Variants in CLPP observed in about 807,000 individuals in gnomAD.
The protein encoded by CLPP is ATP-dependent Clp protease proteolytic subunit, mitochondrial.
Under a neutral mutation model 27.4 loss-of-function variants are expected in CLPP, and 14 were observed. The observed-to-expected ratio is 0.51, with a 90% CI of 0.34 to 0.80. CLPP has a LOEUF of 0.80. Among genes scored for constraint, CLPP ranks in the 30% least tolerant of loss-of-function variants. The pLI is 0.02. For synonymous variants in CLPP, 193 were observed against 166.6 expected (o/e 1.16, Z -1.22); for missense variants, 361 against 403.6 (o/e 0.89, Z 0.90).
rs61441319 is a variant in CLPP, at chr19:6,369,414, CA to C, written c.*719del. ...TGGGCAACAGAGCAAGGCTCTGTCT[CA>C]AAAAAAAAAAAAAACAAAAACAGGA... On this transcript the variant is annotated 3_prime_UTR_variant, in exon 6 of 6. Coordinates refer to ENST00000245816, the MANE Select transcript of CLPP (RefSeq NM_006012.4). 0.31 allele frequency among the ~76,000 whole-genome samples: 35,503 copies of C among 114,960 alleles called. 7,771 individuals are homozygous for C. The highest frequency in any genetic ancestry group is 0.64 in the African/African-American group (22,292 of 35,096). 75.4% of individuals were successfully genotyped at this position (114,960 alleles called of 152,430 possible).
intron 4 of CLPP, 176 bp downstream of exon 4, chr19:6,364,815 G>T (rs1227409794): frequency 6.6e-6 from 4 of 604,270 alleles, no homozygotes; most frequent in Non-Finnish European, 1.1e-5. Flanking sequence ...TGCAAGCTCC[G>T]CCTCCTGGGT....
chr19:6,367,889 G>A (rs2145054871), intron 5 of CLPP, among the ~76,000 whole-genome samples: 1 of 151,878 alleles, frequency 6.6e-6, no homozygotes, highest in East Asian at 1.9e-4. Flanking sequence ...TTTTAGTAGA[G>A]ACAGGGTTTC....
At chr19:6,364,371 C>T (rs2145050867) in intron 3 of CLPP, 81 bp from the exon 4 acceptor site, 3 of 1,349,640 alleles carry the variant, frequency 2.2e-6, no homozygotes, top group South Asian at 1.3e-5. Flanking sequence ...ATCTGTTCCA[C>T]CCTCCCCAGG....
chr19:6,368,773 G>A lies in CLPP; in HGVS notation c.*63G>A. The A allele has an allele frequency of 1.4e-6, 2 of 1,475,700 alleles. No individual in the cohort carries two copies. Among genetic ancestry groups the A allele is most frequent in the East Asian group, 4.9e-5 (2 of 40,460 alleles). The allele number at this position is 1,475,700 out of a possible 1,614,324, so 91.4% of individuals were successfully genotyped here. A position where few individuals can be genotyped will look rare whatever the true frequency, so the allele number is the denominator to read the frequency against. On this transcript the variant is annotated 3_prime_UTR_variant, in exon 6 of 6. Transcript: ENST00000245816. ...AGAGGCCTGCCAGACCCCCAGCTGG[G>A]CCCTGCTCACCCCTTGTTGCTGGGC...
At chr19:6,366,917 C>G (rs543396394) in intron 5 of CLPP, among the ~76,000 whole-genome samples, 3 of 151,800 alleles carry the variant, frequency 2.0e-5, no homozygotes, top group Non-Finnish European at 4.4e-5. Context: ...AAGTGTGAGC[C>G]ACCACGCCCA....
At chr19:6,363,138 T>A (rs2091844737) in intron 3 of CLPP, among the ~76,000 whole-genome samples, 1 of 148,382 alleles carries the variant, frequency 6.7e-6, no homozygotes, top group Non-Finnish European at 1.5e-5. Context: ...TTTTTTTTTT[T>A]TTATTGAGAT....
In CLPP at chr19:6,366,314, G is replaced by A. The variant is rs1353266873; in HGVS notation, c.612G>A (p.Gln204=). The A allele has an allele frequency of 1.2e-6, 2 of 1,612,910 alleles. No individual in the cohort carries two copies. The change falls in exon 5 of 6, where the codon CAG becomes CAA. Residue 204 remains glutamine, a synonymous_variant. Transcript: ENST00000245816. ...QAEEIMKLKK[Q]LYNIYAKHTK... The stretch of plus-strand genomic sequence containing the variant: ...AGGAGATCATGAAGCTCAAGAAGCA[G>A]CTCTATAACATCTACGCCAAGCACA...
In CLPP at chr19:6,364,679, C is replaced by CA. The variant is rs534851530; in HGVS notation, c.555+41dup. ...CGCGAGCTGCTGTTGGGAATCAGGACAGGGTCTAGACAGAAGGACTGACTG... is the reference window on the plus strand; with the variant it reads ...CGCGAGCTGCTGTTGGGAATCAGGACAAGGGTCTAGACAGAAGGACTGACTG... On this transcript the variant is annotated intron_variant, in intron 4 of 5. Transcript: ENST00000245816. 1.5e-4 allele frequency: 234 copies of CA among 1,582,212 alleles called. 2 individuals are homozygous for CA. In the South Asian group the frequency reaches 2.4e-3, roughly 16 times the overall value.
At chr19:6,366,665 G>A (rs949326394) in intron 5 of CLPP, among the ~76,000 whole-genome samples, 3 of 152,048 alleles carry the variant, frequency 2.0e-5, no homozygotes, top group Non-Finnish European at 4.4e-5. Context: ...TTGAGACAAG[G>A]TCTGGCTCTG....
chr19:6,366,805 A>T (rs961592266), intron 5 of CLPP, among the ~76,000 whole-genome samples: 1 of 151,848 alleles, frequency 6.6e-6, no homozygotes, highest in Non-Finnish European at 1.5e-5. Flanking sequence ...TGCCTGGCTA[A>T]TTTTTTGTAG....
chr19:6,362,147 C>G (rs774536348), intron 2 of CLPP: 5 of 605,678 alleles, frequency 8.3e-6, no homozygotes, highest in Non-Finnish European at 1.5e-5. Context: ...TAATCTCCGA[C>G]TTCCTTCCTG....
rs1247241193 is a variant in CLPP, at chr19:6,361,639, C to T, written c.65C>T (p.Pro22Leu). The change falls in exon 1 of 6, where the codon CCT (proline) becomes CTT (leucine). Residue 22 changes from proline to leucine, a missense_variant. Around this residue, in one of 2 missense-constraint regions of CLPP, gnomAD observed 148 missense variants for 122.6 expected, o/e 1.21. Coordinates refer to ENST00000245816, the MANE Select transcript of CLPP (RefSeq NM_006012.4). ...VASCRYPALG[P>L]RLAAHFPAQR... ...TCATGCAGGTACCCCGCGCTGGGGC[C>T]TCGCCTCGCCGCTCACTTTCCAGCG... The T allele has an allele frequency of 7.0e-7, 1 of 1,427,914 alleles. No homozygotes were observed. Among genetic ancestry groups the T allele is most frequent in the Non-Finnish European group, 9.2e-7 (1 of 1,090,754 alleles). 88.5% of individuals were successfully genotyped at this position (1,427,914 alleles called of 1,614,324 possible).
Position 6,361,544 on chromosome 19 carries a change from C to T in CLPP, c.-31C>T. On this transcript the variant is annotated 5_prime_UTR_variant, in exon 1 of 6. Transcript: ENST00000245816. The stretch of plus-strand genomic sequence containing the variant: ...ACGCCGGAAGCTGTAGTTCCGCCAT[C>T]GGACGGAAGCCGACCGGGGCGTGCG... 1 of 1,376,100 alleles carries T rather than the reference C, an allele frequency of 7.3e-7. No individual in the cohort carries two copies. The highest frequency in any genetic ancestry group is 1.8e-5 in the South Asian group (1 of 56,664). The allele number at this position is 1,376,100 out of a possible 1,614,324, so 85.2% of individuals were successfully genotyped here.
Position 6,364,494 on chromosome 19 carries a change from A to G in CLPP, c.410A>G (p.Gln137Arg), listed in dbSNP as rs2091851993. 1.2e-6 allele frequency: 2 copies of G among 1,611,812 alleles called. No individual in the cohort carries two copies. The highest frequency in any genetic ancestry group is 1.7e-6 in the Non-Finnish European group (2 of 1,179,652). ...GGCCTGGCCATCTACGACACGATGC[A>G]GTACATCCTCAACCCGATCTGCACC... Reference protein sequence around the residue: ...TAGLAIYDTMQYILNPICTWC... With the variant: ...TAGLAIYDTMRYILNPICTWC... The change falls in exon 4 of 6, where the codon CAG becomes CGG. Residue 137 changes from glutamine (Q) to arginine (R), a missense_variant. Coordinates refer to ENST00000245816, the MANE Select transcript of CLPP (RefSeq NM_006012.4).
At chr19:6,366,401 A>G in intron 5 of CLPP, 38 bp downstream of exon 5, 1 of 1,468,312 alleles carries the variant, frequency 6.8e-7, no homozygotes, top group Non-Finnish European at 9.4e-7. Context: ...GTCCGTGCAC[A>G]GACGGACCAG....
At chr19:6,365,907 G>A (rs1366486808) in intron 4 of CLPP, among the ~76,000 whole-genome samples, 5 of 151,264 alleles carry the variant, frequency 3.3e-5, no homozygotes, top group Admixed American at 6.6e-5. Flanking sequence ...ACTTGAGGCC[G>A]GGAGTTTGAG....
chr19:6,369,343 G>A lies in CLPP; in HGVS notation c.*633G>A, dbSNP rs1438820620. Among the ~76,000 whole-genome samples, 1 of 152,000 alleles carries A rather than the reference G, an allele frequency of 6.6e-6. No individual in the cohort carries two copies. Among genetic ancestry groups the A allele is most frequent in the Non-Finnish European group, 1.5e-5 (1 of 67,994 alleles). The stretch of plus-strand genomic sequence containing the variant: ...AGGCAGAAGAATTGCTTGAACTTAG[G>A]AGGTGGAGGTTGCAGTGAGCAGGAT... On this transcript the variant is annotated 3_prime_UTR_variant, in exon 6 of 6. Transcript: ENST00000245816.
At chr19:6,365,582 GGAGGCCAAGGCAGGAGGATCACTT>G (rs1486858350) in intron 4 of CLPP, among the ~76,000 whole-genome samples, 31 of 152,262 alleles carry the variant, frequency 2.0e-4, no homozygotes, top group Admixed American at 2.0e-3. Context: ...CAGCACTTTG[GGAGGCCAAGGCAGGAGGATCACTT>G]GAGGCCAAGA....
chr19:6,362,270 C>G, intron 2 of CLPP, 176 bp from the exon 3 acceptor site: 1 of 607,952 alleles, frequency 1.6e-6, no homozygotes, highest in Non-Finnish European at 2.9e-6. Context: ...TGCTCCAAAC[C>G]CCCTGGGTCC....
Sources: allele counts gnomAD v4.1 joint callset (sites outside exome capture counted in the v4.1 genomes callset), GRCh38; gene constraint gnomAD v4.1.1; regional missense constraint gnomAD v4.1.1; transcripts MANE v1.5; gene names NCBI Gene and HGNC (gene_info 2026-07-23, HGNC 2026-07-21).